RMDN2: variants seen among roughly 807,000 people sequenced by gnomAD.
RMDN2 encodes regulator of microtubule dynamics protein 2.
A neutral mutation model predicts 52.8 loss-of-function variants in RMDN2; 61 were observed. That is an observed-to-expected ratio of 1.16 (90% CI 0.94 to 1.43). RMDN2 has a LOEUF of 1.43. RMDN2 is among the 40% of genes most tolerant of loss of function. The pLI, the probability that RMDN2 is intolerant of heterozygous loss-of-function variation, is 0.00. For synonymous variants in RMDN2, 180 were observed against 153.1 expected (o/e 1.18, Z -1.30); for missense variants, 592 against 475.3 (o/e 1.25, Z -2.28).
intron 2 of RMDN2, among the ~76,000 whole-genome samples, chr2:37,951,014 A>G (rs1282511558): frequency 6.6e-6 from 1 of 152,034 alleles, no homozygotes; most frequent in Non-Finnish European, 1.5e-5. Flanking sequence ...CTGTGTAGGT[A>G]GAGATAACCT....
rs958636 is a variant in RMDN2 at position 37,984,990 on chromosome 2, A to G, written c.791+3647A>G. Among the ~76,000 whole-genome samples the G allele has an allele frequency of 6.7e-3, 1,023 of 152,350 alleles. 6 individuals carry two copies. Among genetic ancestry groups the G allele is most frequent in the African/African-American group, 0.023 (967 of 41,586 alleles). ...AGGTAGCTTTGAATTTATGATACAT[A>G]AAATGATAGATAATATTTTAAACTT... On this transcript the variant is annotated intron_variant, in intron 5 of 10. Transcript: ENST00000354545.
In RMDN2 at chr2:38,003,546, T is replaced by TGATAGATAGATAGATAGATA. The variant is rs57530338; in HGVS notation, c.1045-407_1045-388dup. Among the ~76,000 whole-genome samples the TGATAGATAGATAGATAGATA allele has an allele frequency of 6.5e-3, 858 of 132,446 alleles. 3 individuals are homozygous for TGATAGATAGATAGATAGATA. Among genetic ancestry groups the TGATAGATAGATAGATAGATA allele is most frequent in the East Asian group, 0.01 (46 of 4,406 alleles). The allele number at this position is 132,446 out of a possible 152,430, so 86.9% of individuals were successfully genotyped here. A position where few individuals can be genotyped will look rare whatever the true frequency, so the allele number is the denominator to read the frequency against. On this transcript the variant is annotated intron_variant, in intron 8 of 10. Transcript: ENST00000354545. ...CCAGCCTGGGCAACAAAGCAAGACC[T>TGATAGATAGATAGATAGATA]GATAGATAGATAGATAGATAGATAG...
intron 10 of RMDN2, among the ~76,000 whole-genome samples, chr2:38,009,288 C>A (rs1041538639): frequency 2.4e-4 from 36 of 152,170 alleles, no homozygotes; most frequent in African/African-American, 8.2e-4. Context: ...TGGATGATAT[C>A]CTGCAGAGTG....
intron 2 of RMDN2, among the ~76,000 whole-genome samples, chr2:37,972,218 TCTC>T (rs1265458332): frequency 6.6e-6 from 1 of 152,160 alleles, no homozygotes; most frequent in East Asian, 1.9e-4. Context: ...TTTGCTATAC[TCTC>T]CTATTAATCA....
At chr2:37,987,751 G>T (rs1446938073) in intron 5 of RMDN2, among the ~76,000 whole-genome samples, 1 of 152,186 alleles carries the variant, frequency 6.6e-6, no homozygotes, top group Non-Finnish European at 1.5e-5. Context: ...CCACTGTGAA[G>T]TGGGATGTTA....
At chr2:38,038,002 C>T (rs1680700574) in intron 10 of RMDN2, among the ~76,000 whole-genome samples, 1 of 152,142 alleles carries the variant, frequency 6.6e-6, no homozygotes, top group African/African-American at 2.4e-5. Context: ...CCCTCTGGAG[C>T]CTGGTGTTTG....
intron 2 of RMDN2, among the ~76,000 whole-genome samples, chr2:37,938,052 C>A (rs1389163130): frequency 2.0e-5 from 3 of 152,070 alleles, no homozygotes; most frequent in Non-Finnish European, 4.4e-5. Context: ...TTATTATTTT[C>A]AGATATGTTC....
intron 7 of RMDN2, among the ~76,000 whole-genome samples, chr2:37,993,273 G>C (rs1675062102): frequency 6.6e-6 from 1 of 152,054 alleles, no homozygotes; most frequent in Non-Finnish European, 1.5e-5. Flanking sequence ...AAGCTCTACT[G>C]CCTATAAATT....
At chr2:37,956,920 C>T (rs915432427) in intron 2 of RMDN2, among the ~76,000 whole-genome samples, 11 of 151,894 alleles carry the variant, frequency 7.2e-5, no homozygotes, top group African/African-American at 2.4e-4. Context: ...GTTTTCTGTT[C>T]CTGTGCTAGT....
chr2:38,032,097 T>C (rs1411451286), intron 10 of RMDN2, among the ~76,000 whole-genome samples: 1 of 152,182 alleles, frequency 6.6e-6, no homozygotes, highest in African/African-American at 2.4e-5. Flanking sequence ...TTAACTTTAT[T>C]GAGGTATAAA....
At chr2:37,947,981 T>G (rs1304487556) in intron 2 of RMDN2, among the ~76,000 whole-genome samples, 1 of 152,170 alleles carries the variant, frequency 6.6e-6, no homozygotes, top group Admixed American at 6.5e-5. Context: ...TTGTTCACTG[T>G]CTTTTCTAGA....
rs534843529 is a variant in RMDN2 at position 37,929,517 on chromosome 2, C to T, written c.240C>T (p.Asn80=). The change falls in exon 2 of 11, where the codon AAC becomes AAT. Residue 80 remains asparagine (N), a synonymous_variant. Coordinates refer to ENST00000354545, the MANE Select transcript of RMDN2 (RefSeq NM_001170791.3). ...ERQLQILEKL[N]ELLTNMEELK... The stretch of plus-strand genomic sequence containing the variant: ...AACTTCAGATACTGGAGAAGTTAAA[C>T]GAATTACTGACAAATATGGAAGAAC... The T allele has an allele frequency of 4.6e-5, 72 of 1,551,560 alleles. No individual in the cohort carries two copies. The highest frequency in any genetic ancestry group is 5.5e-5 in the Non-Finnish European group (63 of 1,146,808).
chr2:37,991,210 C>T lies in RMDN2; in HGVS notation c.868-10C>T. ...TTGGGAGATGATTTTCCTTTGGATG[C>T]TTTTTTCAGGAACATCTAGATATAG... On this transcript the variant is annotated splice_polypyrimidine_tract_variant and intron_variant, in intron 6 of 10. Transcript: ENST00000354545. 1 of 1,532,088 alleles carries T rather than the reference C, an allele frequency of 6.5e-7. No homozygotes were observed. Among genetic ancestry groups the T allele is most frequent in the East Asian group, 2.3e-5 (1 of 43,336 alleles). 94.9% of individuals were successfully genotyped at this position (1,532,088 alleles called of 1,614,324 possible).
chr2:37,929,869 ATAAT>A, intron 2 of RMDN2, 140 bp downstream of exon 2: 1 of 620,786 alleles, frequency 1.6e-6, no homozygotes, highest in Non-Finnish European at 2.7e-6. Flanking sequence ...GACTTAGATT[ATAAT>A]TAAAGTCATA....
In RMDN2 at chr2:38,017,479, T is replaced by A; in HGVS notation, c.*240T>A. 1 of 1,112,560 alleles carries A rather than the reference T, an allele frequency of 9.0e-7. No homozygotes were observed. The highest frequency in any genetic ancestry group is 1.2e-6 in the Non-Finnish European group (1 of 838,828). The allele number at this position is 1,112,560 out of a possible 1,614,324, so 68.9% of individuals were successfully genotyped here. A position where few individuals can be genotyped will look rare whatever the true frequency, so the allele number is the denominator to read the frequency against. On this transcript the variant is annotated 3_prime_UTR_variant, in exon 11 of 11. Coordinates refer to ENST00000354545, the MANE Select transcript of RMDN2 (RefSeq NM_001170791.3). ...CTATAAACATGTATGCTTTATATTT[T>A]TCTTATCAATAAACTGCAGCCTTAA... is the stretch of plus-strand genomic sequence containing the variant.
chr2:37,944,141 A>G (rs1471564859), intron 2 of RMDN2, among the ~76,000 whole-genome samples: 1 of 152,092 alleles, frequency 6.6e-6, no homozygotes, highest in Non-Finnish European at 1.5e-5. Flanking sequence ...TTTTCTATTT[A>G]GTGACTTTTT....
In RMDN2 at chr2:38,017,382, A is replaced by G. The variant is rs1573123158; in HGVS notation, c.*143A>G. ...GTAAAGCCATGTTTCTGCAGAATGC[A>G]TTCCACTAGTAGCACTACAAAATTA... On this transcript the variant is annotated 3_prime_UTR_variant, in exon 11 of 11. Coordinates refer to ENST00000354545, the MANE Select transcript of RMDN2 (RefSeq NM_001170791.3). The G allele has an allele frequency of 7.2e-7, 1 of 1,388,172 alleles. No individual in the cohort carries two copies. Among genetic ancestry groups the G allele is most frequent in the East Asian group, 2.7e-5 (1 of 37,196 alleles). 86.0% of individuals were successfully genotyped at this position (1,388,172 alleles called of 1,614,324 possible).
At chr2:37,998,657 C>A (rs539033253) in intron 8 of RMDN2, among the ~76,000 whole-genome samples, 2 of 152,240 alleles carry the variant, frequency 1.3e-5, no homozygotes, top group Admixed American at 6.5e-5. Flanking sequence ...TCTCTCACCC[C>A]CAATGGCCAG....
At chr2:37,989,952 G>A (rs1674539301) in intron 6 of RMDN2, among the ~76,000 whole-genome samples, 1 of 151,610 alleles carries the variant, frequency 6.6e-6, no homozygotes, top group Non-Finnish European at 1.5e-5. Flanking sequence ...GACCATCCTG[G>A]CGAACACTGT....
Sources: allele counts gnomAD v4.1 joint callset (sites outside exome capture counted in the v4.1 genomes callset), GRCh38; gene constraint gnomAD v4.1.1; transcripts MANE v1.5; gene names NCBI Gene and HGNC (gene_info 2026-07-23, HGNC 2026-07-21).